Variants in TUBGCP4 observed in about 807,000 individuals in gnomAD.
The protein encoded by TUBGCP4 is tubulin gamma complex component 4.
In TUBGCP4, 54 loss-of-function variants were observed where a neutral mutation model predicts 91.6. The ratio of observed to expected loss-of-function variants is 0.59; its 90% CI spans 0.47 to 0.74. The LOEUF is 0.74. Among genes scored for constraint, TUBGCP4 ranks in the 30% least tolerant of loss-of-function variants. The pLI, the probability that TUBGCP4 is intolerant of heterozygous loss-of-function variation, is 0.00. For synonymous variants in TUBGCP4, 297 were observed against 302.8 expected, an observed-to-expected ratio of 0.98 and a Z score of 0.20; for missense variants, 593 against 800.9, an observed-to-expected ratio of 0.74 and a Z score of 3.13.
intron 1 of TUBGCP4, 25 bp downstream of exon 1, chr15:43,371,457 A>T: frequency 6.2e-7 from 1 of 1,613,052 alleles, no homozygotes; most frequent in Non-Finnish European, 8.5e-7. Flanking sequence ...AGAGCGCGGG[A>T]ACCAGGGAGC....
rs1595482752 is a variant in TUBGCP4, at chr15:43,383,285, A to G, written c.522-18A>G. 2 of 1,606,056 alleles carry G rather than the reference A, an allele frequency of 1.2e-6. No homozygotes were observed. The highest frequency in any genetic ancestry group is 1.7e-6 in the Non-Finnish European group (2 of 1,175,644). ...TTAAAGCATGACTTCTGAGCCTCTT[A>G]CTTTCTACTCTGCCCAGAATCCTGG... On this transcript the variant is annotated intron_variant, in intron 6 of 17. Coordinates refer to ENST00000564079, the MANE Select transcript of TUBGCP4 (RefSeq NM_014444.5).
rs901084759 is a variant in TUBGCP4, at chr15:43,407,232, T to G, written c.*2018T>G. 3.0e-6 allele frequency: 2 copies of G among 671,790 alleles called. No homozygotes were observed. Among genetic ancestry groups the G allele is most frequent in the African/African-American group, 3.6e-5 (2 of 55,180 alleles). 41.6% of individuals were successfully genotyped at this position (671,790 alleles called of 1,614,324 possible). A position where few individuals can be genotyped will look rare whatever the true frequency, so the allele number is the denominator to read the frequency against. On this transcript the variant is annotated 3_prime_UTR_variant, in exon 18 of 18. Coordinates refer to ENST00000564079, the MANE Select transcript of TUBGCP4 (RefSeq NM_014444.5). ...ATCCCAGTTACTACAACCAAAGAGA[T>G]TCAACATTTATTTTATCATAAAAGT...
At chr15:43,388,145 C>T (rs2044409653) in intron 9 of TUBGCP4, among the ~76,000 whole-genome samples, 1 of 152,168 alleles carries the variant, frequency 6.6e-6, no homozygotes, top group Non-Finnish European at 1.5e-5. Context: ...GCCACCACGC[C>T]CGGCAGGTAC....
chr15:43,376,751 A>G, intron 3 of TUBGCP4, 126 bp downstream of exon 3: 1 of 1,356,592 alleles, frequency 7.4e-7, no homozygotes, highest in Non-Finnish European at 1.0e-6. Context: ...GCTGGAAGGT[A>G]CAGTGTTCTC....
chr15:43,375,173 G>A (rs1282078219), intron 1 of TUBGCP4, among the ~76,000 whole-genome samples: 1 of 152,242 alleles, frequency 6.6e-6, no homozygotes, highest in Non-Finnish European at 1.5e-5. Context: ...GAAATGCTGG[G>A]ATTACAGGCG....
At position 43,407,864 on chromosome 15, in the gene TUBGCP4, C is replaced by A; in HGVS notation, c.*2650C>A. 7.0e-7 allele frequency: 1 copy of A among 1,419,998 alleles called. No individual in the cohort carries two copies. The highest frequency in any genetic ancestry group is 9.5e-7 in the Non-Finnish European group (1 of 1,049,426). The allele number at this position is 1,419,998 out of a possible 1,614,324, so 88.0% of individuals were successfully genotyped here. On this transcript the variant is annotated 3_prime_UTR_variant, in exon 18 of 18. Transcript: ENST00000564079. ...ATACGGTCAACCTATTAGGCCTGAG[C>A]CTTGGACCACAAGGCCTAACACCTA...
intron 7 of TUBGCP4, among the ~76,000 whole-genome samples, chr15:43,384,873 G>T (rs916217769): frequency 6.6e-6 from 1 of 152,136 alleles, no homozygotes; most frequent in African/African-American, 2.4e-5. Flanking sequence ...GGGAGACTTA[G>T]GTGAAAATAA....
chr15:43,398,135 A>G lies in TUBGCP4; in HGVS notation c.1374A>G (p.Val458=). The change falls in exon 13 of 18, where the codon GTA becomes GTG. Residue 458 remains valine (V), a synonymous_variant. Coordinates refer to ENST00000564079, the MANE Select transcript of TUBGCP4 (RefSeq NM_014444.5). The part of the protein sequence containing the change: ...GWAALGLSYK[V]QWPLHILFTP... ...CAGCCCTAGGTCTTTCCTACAAAGT[A>G]CAGTGGCCACTACATATTCTCTTCA... is the stretch of plus-strand genomic sequence containing the variant. 6.2e-7 allele frequency: 1 copy of G among 1,614,108 alleles called. No homozygotes were observed. The highest frequency in any genetic ancestry group is 8.5e-7 in the Non-Finnish European group (1 of 1,179,964).
rs1020685094 is a variant in TUBGCP4, at chr15:43,409,556, G to T, written c.*4342G>T. 9 of 628,720 alleles carry T rather than the reference G, an allele frequency of 1.4e-5. No homozygotes were observed. The highest frequency in any genetic ancestry group is 2.3e-5 in the Non-Finnish European group (9 of 383,176). The allele number at this position is 628,720 out of a possible 1,614,324, so 38.9% of individuals were successfully genotyped here. A position where few individuals can be genotyped will look rare whatever the true frequency, so the allele number is the denominator to read the frequency against. ...CTGAAATCTCTGGCTACTTTATCCA[G>T]GTTCCCCAACCCCTCCCAGGCCTCT... On this transcript the variant is annotated 3_prime_UTR_variant, in exon 18 of 18. Coordinates refer to ENST00000564079, the MANE Select transcript of TUBGCP4 (RefSeq NM_014444.5).
At chr15:43,385,503 G>A (rs777834940) in intron 7 of TUBGCP4, 17 of 491,110 alleles carry the variant, frequency 3.5e-5, no homozygotes, top group Middle Eastern at 1.1e-3. Context: ...CTCTTTCATC[G>A]TACAAGTAAG....
chr15:43,396,710 C>A (rs980813023), intron 11 of TUBGCP4, among the ~76,000 whole-genome samples: 1 of 152,148 alleles, frequency 6.6e-6, no homozygotes, highest in Non-Finnish European at 1.5e-5. Flanking sequence ...AGGACTTGGT[C>A]TCTTTCCATC....
intron 5 of TUBGCP4, among the ~76,000 whole-genome samples, chr15:43,379,871 C>A (rs148665173): frequency 6.6e-6 from 1 of 152,176 alleles, no homozygotes; most frequent in African/African-American, 2.4e-5. Flanking sequence ...GTGCTGGGTT[C>A]TAACCAAGAG....
chr15:43,408,281 C>A lies in TUBGCP4; in HGVS notation c.*3067C>A. On this transcript the variant is annotated 3_prime_UTR_variant, in exon 18 of 18. Transcript: ENST00000564079. ...TCTCTTGGGCCTGGGAGTTCGAGAC[C>A]AGCCTGGGCAATGTGGTGAGACCCC... 1.8e-6 allele frequency: 1 copy of A among 559,050 alleles called. No homozygotes were observed. Among genetic ancestry groups the A allele is most frequent in the East Asian group, 3.2e-5 (1 of 31,078 alleles). 34.6% of individuals were successfully genotyped at this position (559,050 alleles called of 1,614,324 possible). A position where few individuals can be genotyped will look rare whatever the true frequency, so the allele number is the denominator to read the frequency against.
At chr15:43,397,184 C>T in intron 11 of TUBGCP4, 30 bp from the exon 12 acceptor site, 1 of 1,564,424 alleles carries the variant, frequency 6.4e-7, no homozygotes, top group Non-Finnish European at 8.8e-7. Flanking sequence ...AGCCAAGCGT[C>T]CCTGTCAGCC....
rs188822226 is a variant in TUBGCP4 at position 43,377,051 on chromosome 15, A to G, written c.368A>G (p.Asn123Ser). 2.4e-4 allele frequency: 392 copies of G among 1,613,888 alleles called. No homozygotes were observed. In the Admixed American group the frequency reaches 5.8e-3, roughly 24 times the overall value. Residue 123 changes from asparagine (N) to serine (S), a missense_variant, in exon 4 of 18, where the codon AAC becomes AGC. By Grantham distance (46) the Asn-to-Ser change is conservative (BLOSUM62 1). Transcript: ENST00000564079. The stretch of plus-strand genomic sequence containing the variant: ...CCCCATCTCTCCATATCACATGTCA[A>G]CTACTTCCTAGACCAGGTATGCTGC... ...GDPHLSISHV[N>S]YFLDQFQLLF...
chr15:43,403,448 T>G (rs1595503612), intron 15 of TUBGCP4: 1 of 377,212 alleles, frequency 2.7e-6, no homozygotes. Flanking sequence ...AGATTGGAGG[T>G]TTGGTGCAGG....
chr15:43,376,434 G>A lies in TUBGCP4; in HGVS notation c.208-69G>A. 4.3e-6 allele frequency: 7 copies of A among 1,612,986 alleles called. No homozygotes were observed. In the South Asian group the frequency reaches 5.5e-5, roughly 13 times the overall value. Reference sequence around the variant, plus strand: ...TTTGTATAACTTTTAAAAGAAACAAGCCTGATAATGTCTTTCTCAGGTTTC... The same window carrying A: ...TTTGTATAACTTTTAAAAGAAACAAACCTGATAATGTCTTTCTCAGGTTTC... On this transcript the variant is annotated intron_variant, in intron 2 of 17. Coordinates refer to ENST00000564079, the MANE Select transcript of TUBGCP4 (RefSeq NM_014444.5).
In TUBGCP4 at chr15:43,395,642, A is replaced by C. The variant is rs774560187; in HGVS notation, c.1125A>C (p.Thr375=). The change falls in exon 11 of 18, where the codon ACA becomes ACC. Residue 375 remains threonine (T), a synonymous_variant. Coordinates refer to ENST00000564079, the MANE Select transcript of TUBGCP4 (RefSeq NM_014444.5). ...RGELFQAFID[T]AQHMLKTPPT... ...AACTGTTTCAGGCCTTCATTGACAC[A>C]GCTCAACACATGTTGAAAACACCAC... 37 of 1,614,154 alleles carry C rather than the reference A, an allele frequency of 2.3e-5. No homozygotes were observed. The South Asian group carries it at 2.4e-4, about 11-fold the overall frequency.
intron 7 of TUBGCP4, 41 bp from the exon 8 acceptor site, chr15:43,385,750 G>A: frequency 6.2e-7 from 1 of 1,605,042 alleles, no homozygotes; most frequent in Non-Finnish European, 8.5e-7. Flanking sequence ...TCCTTTTCTT[G>A]CTTCACACTG....
Sources: allele counts gnomAD v4.1 joint callset (sites outside exome capture counted in the v4.1 genomes callset), GRCh38; gene constraint gnomAD v4.1.1; transcripts MANE v1.5; gene names NCBI Gene and HGNC (gene_info 2026-07-23, HGNC 2026-07-21).